Variants in CADPS observed in about 807,000 individuals in gnomAD.
CADPS encodes the protein calcium dependent secretion activator.
CADPS carries 57 observed loss-of-function variants against 167.3 expected under a neutral mutation model. That is an observed-to-expected ratio of 0.34 (90% confidence interval 0.28 to 0.42). The LOEUF (loss-of-function observed/expected upper bound fraction) is 0.42. Ranked by LOEUF, CADPS falls within the 20% of genes least tolerant of loss-of-function variation. CADPS has a pLI of 1.00. For synonymous variants in CADPS, 676 were observed against 635.3 expected (o/e 1.06, Z -0.96); for missense variants, 1,414 against 1,738.1 (o/e 0.81, Z 3.32).
chr3:62,601,272 G>GT lies in CADPS; in HGVS notation c.1326-8525dup, dbSNP rs2059927010. 1.3e-5 allele frequency among the ~76,000 whole-genome samples: 2 copies of GT among 152,230 alleles called. No homozygotes were observed. The highest frequency in any genetic ancestry group is 4.2e-4 in the South Asian group (2 of 4,818). On this transcript the variant is annotated intron_variant, in intron 6 of 29. Transcript: ENST00000383710. The surrounding 1 kb of genome is among the most constrained non-coding windows in gnomAD (Gnocchi z 4.3). ...ATCAATAACGTTTTATTAGAACATA[G>GT]TTAGCTTACTCATTTTTGTTTTGTC...
chr3:62,484,076 C>G (rs183879990), intron 21 of CADPS, among the ~76,000 whole-genome samples: 292 of 152,188 alleles, frequency 1.9e-3, no homozygotes, highest in African/African-American at 6.8e-3. Context: ...TTCTATTAAT[C>G]AAAACATATT....
chr3:62,757,846 G>A (rs959020448), intron 2 of CADPS, among the ~76,000 whole-genome samples: 1 of 152,214 alleles, frequency 6.6e-6, no homozygotes, highest in Non-Finnish European at 1.5e-5. Context: ...CACGTCTTAT[G>A]TGGCATGGCA....
chr3:62,518,320 G>T, intron 13 of CADPS, 70 bp from the exon 14 acceptor site: 1 of 1,137,374 alleles, frequency 8.8e-7, no homozygotes, highest in Non-Finnish European at 1.3e-6. Context: ...ATCTCTAGCA[G>T]GAGGAAACTG....
chr3:62,483,283 T>C (rs956803912), intron 21 of CADPS, among the ~76,000 whole-genome samples: 2 of 142,276 alleles, frequency 1.4e-5, no homozygotes, highest in Non-Finnish European at 3.0e-5. Context: ...TGGAGCTGCC[T>C]CTGGGCTTGC....
In CADPS at chr3:62,438,481, CA is replaced by C. The variant is rs1343487441; in HGVS notation, c.3670-271del. ...TTTTCTATGATAAATTTTTTCCTGG[CA>C]AATTTATCTAATGGATAAATCTTTA... On this transcript the variant is annotated intron_variant, in intron 27 of 29. Transcript: ENST00000383710. The surrounding 1 kb of genome is among the most constrained non-coding windows in gnomAD (Gnocchi z 4.7). 2.6e-6 allele frequency: 1 copy of C among 384,312 alleles called. No individual in the cohort carries two copies. Among genetic ancestry groups the C allele is most frequent in the Non-Finnish European group, 4.8e-6 (1 of 208,086 alleles). The allele number at this position is 384,312 out of a possible 1,614,324, so 23.8% of individuals were successfully genotyped here.
intron 5 of CADPS, among the ~76,000 whole-genome samples, chr3:62,650,525 A>C (rs1344378899): frequency 1.3e-5 from 2 of 152,234 alleles, no homozygotes; most frequent in African/African-American, 4.8e-5. Context: ...TGCCTCTCTT[A>C]TAACTGTAAA....
intron 1 of CADPS, among the ~76,000 whole-genome samples, chr3:62,806,552 G>T (rs2094113059): frequency 6.6e-6 from 1 of 151,934 alleles, no homozygotes; most frequent in African/African-American, 2.4e-5. Context: ...AAGAAACAGG[G>T]CATTAAAGTC....
chr3:62,724,491 C>A (rs1184058516), intron 3 of CADPS, among the ~76,000 whole-genome samples: 3 of 152,192 alleles, frequency 2.0e-5, no homozygotes, highest in African/African-American at 7.2e-5. Context: ...CTACTATTTA[C>A]TATCCTACTG....
chr3:62,478,080 T>C lies in CADPS; in HGVS notation c.3329+181A>G, dbSNP rs1050889354. The C allele has an allele frequency of 2.3e-5, 14 of 621,700 alleles. No homozygotes were observed. The highest frequency in any genetic ancestry group is 5.9e-5 in the Admixed American group (2 of 33,776). The allele number at this position is 621,700 out of a possible 1,614,324, so 38.5% of individuals were successfully genotyped here. On this transcript the variant is annotated intron_variant, in intron 23 of 29. Transcript: ENST00000383710. The surrounding 1 kb of genome is among the most constrained non-coding windows in gnomAD (Gnocchi z 5.7). ...CAGATTATTTTGGGTTTGGGACAGA[T>C]GGAGGGCAGGTGAATGGAAGTTAGA...
chr3:62,828,821 A>G (rs1325038186), intron 1 of CADPS, among the ~76,000 whole-genome samples: 1 of 152,194 alleles, frequency 6.6e-6, no homozygotes, highest in Non-Finnish European at 1.5e-5. Context: ...TTATGGACCC[A>G]ATTCTACCAA....
chr3:62,669,643 C>T (rs757671417), intron 3 of CADPS, among the ~76,000 whole-genome samples: 2 of 152,174 alleles, frequency 1.3e-5, no homozygotes, highest in Non-Finnish European at 2.9e-5. Flanking sequence ...CACTTTAAAG[C>T]TGAGCAATCC....
chr3:62,546,543 A>G (rs375551130), intron 11 of CADPS, among the ~76,000 whole-genome samples: 1 of 152,156 alleles, frequency 6.6e-6, no homozygotes, highest in African/African-American at 2.4e-5. Flanking sequence ...ACTAACCACC[A>G]TTCTGTGGCT....
At chr3:62,869,953 T>A (rs1035057897) in intron 1 of CADPS, among the ~76,000 whole-genome samples, 22 of 152,198 alleles carry the variant, frequency 1.4e-4, no homozygotes, top group African/African-American at 5.3e-4. Flanking sequence ...TTTTATCATT[T>A]TACTCAGTGC....
intron 1 of CADPS, among the ~76,000 whole-genome samples, chr3:62,844,136 G>A (rs1298885847): frequency 6.6e-6 from 1 of 152,166 alleles, no homozygotes; most frequent in African/African-American, 2.4e-5. Context: ...GTCTAGGAAA[G>A]GATGGGGGAA....
At chr3:62,790,919 T>G (rs1023413243) in intron 1 of CADPS, among the ~76,000 whole-genome samples, 2 of 152,110 alleles carry the variant, frequency 1.3e-5, no homozygotes, top group Non-Finnish European at 2.9e-5. Flanking sequence ...GATGCTTTTG[T>G]TACCGTCATG....
intron 17 of CADPS, among the ~76,000 whole-genome samples, chr3:62,503,329 T>C (rs1438146229): frequency 6.6e-6 from 1 of 152,242 alleles, no homozygotes; most frequent in East Asian, 1.9e-4. Context: ...AACCTCTCTG[T>C]GCTTTAGTTT....
intron 6 of CADPS, among the ~76,000 whole-genome samples, chr3:62,606,705 G>T (rs927502981): frequency 6.6e-6 from 1 of 152,214 alleles, no homozygotes; most frequent in Non-Finnish European, 1.5e-5. Flanking sequence ...TCGGCCAACG[G>T]GGCATTGGCA....
rs554197608 is a variant in CADPS at position 62,855,091 on chromosome 3, A to ATTT, written c.441+19495_441+19497dup. Reference sequence around the variant, plus strand: ...AGGCACGTGCCATCATGCCCGGCTAATTTTTTTTTTTTTTTTTTGTCTTTT... The same window carrying ATTT: ...AGGCACGTGCCATCATGCCCGGCTAATTTTTTTTTTTTTTTTTTTTTGTCTTTT... On this transcript the variant is annotated intron_variant, in intron 1 of 29. Coordinates refer to ENST00000383710, the MANE Select transcript of CADPS (RefSeq NM_003716.4). Among the ~76,000 whole-genome samples, 144 of 92,710 alleles carry ATTT rather than the reference A, an allele frequency of 1.6e-3. 5 individuals carry two copies. In the East Asian group the frequency reaches 0.043, roughly 28 times the overall value. The allele number at this position is 92,710 out of a possible 152,430, so 60.8% of individuals were successfully genotyped here. A position where few individuals can be genotyped will look rare whatever the true frequency, so the allele number is the denominator to read the frequency against.
At chr3:62,721,131 TTTTAAAAA>T (rs2075727667) in intron 3 of CADPS, among the ~76,000 whole-genome samples, 1 of 138,032 alleles carries the variant, frequency 7.2e-6, no homozygotes, top group South Asian at 2.4e-4. Flanking sequence ...TTTTTTTTTT[TTTTAAAAA>T]AAAAAAGAAG....
Sources: gnomAD v4.1 joint callset for allele counts (sites outside exome capture counted in the v4.1 genomes callset) on GRCh38, gnomAD v4.1.1 for gene constraint, Gnocchi (gnomAD v3.1) non-coding constraint, MANE v1.5 for transcripts, NCBI Gene and HGNC (gene_info 2026-07-23, HGNC 2026-07-21) for gene names.